The following MTREX variants were observed in gnomAD, a reference collection of about 807,000 sequenced individuals.
MTREX encodes Mtr4 exosome RNA helicase, also known as exosome RNA helicase MTR4.
A neutral mutation model predicts 135.4 loss-of-function variants in MTREX; 76 were observed. That is an observed-to-expected ratio of 0.56 (90% confidence interval 0.47 to 0.68). The LOEUF is 0.68. Ranked by LOEUF, MTREX falls within the 30% of genes least tolerant of loss-of-function variation. The pLI is 0.00. For synonymous variants in MTREX, 404 were observed against 401.6 expected, an observed-to-expected ratio of 1.01 and a Z score of -0.07; for missense variants, 920 against 1,262.1, an observed-to-expected ratio of 0.73 and a Z score of 4.11.
At chr5:55,344,226 A>T (rs1007378603) in intron 8 of MTREX, among the ~76,000 whole-genome samples, 3 of 152,198 alleles carry the variant, frequency 2.0e-5, no homozygotes, top group Admixed American at 2.0e-4. Flanking sequence ...ATAGAAAAAT[A>T]AGCATCTTTC....
intron 15 of MTREX, among the ~76,000 whole-genome samples, 179 bp from the exon 16 acceptor site, chr5:55,366,546 T>C (rs370857717): frequency 1.4e-4 from 22 of 152,182 alleles, no homozygotes; most frequent in Admixed American, 1.4e-3. Context: ...GATTTTTTTT[T>C]CCCTTCACTT....
intron 15 of MTREX, among the ~76,000 whole-genome samples, chr5:55,359,762 G>T (rs373755860): frequency 6.6e-6 from 1 of 152,124 alleles, no homozygotes; most frequent in South Asian, 2.1e-4. Flanking sequence ...TACTGTGTGT[G>T]TGGAAAGAAC....
chr5:55,345,355 A>C (rs76124390), intron 10 of MTREX, among the ~76,000 whole-genome samples, 159 bp downstream of exon 10: 1,637 of 152,282 alleles, frequency 0.011, 27 homozygotes, highest in African/African-American at 0.037. Context: ...TATGACATTA[A>C]GTATAATTTA....
intron 25 of MTREX, among the ~76,000 whole-genome samples, chr5:55,418,727 C>CA (rs1751010363): frequency 6.6e-6 from 1 of 151,922 alleles, no homozygotes; most frequent in African/African-American, 2.4e-5. Flanking sequence ...ATTTAAGTAG[C>CA]AAAAAATGAG....
intron 15 of MTREX, among the ~76,000 whole-genome samples, chr5:55,359,546 TTATA>T (rs35525917): frequency 1.3e-5 from 2 of 151,938 alleles, no homozygotes; most frequent in Admixed American, 1.3e-4. Context: ...GTGTATATCT[TTATA>T]TGTCTTTACA....
chr5:55,364,316 T>G (rs1216105159), intron 15 of MTREX, among the ~76,000 whole-genome samples: 2 of 152,212 alleles, frequency 1.3e-5, no homozygotes, highest in Non-Finnish European at 2.9e-5. Flanking sequence ...TTTCCCATTT[T>G]TACCCTTTTC....
At chr5:55,418,123 A>C (rs926097992) in intron 25 of MTREX, among the ~76,000 whole-genome samples, 1 of 150,850 alleles carries the variant, frequency 6.6e-6, no homozygotes, top group African/African-American at 2.4e-5. Context: ...AGTCCCAGCT[A>C]CTCGGGAGGC....
chr5:55,311,084 T>C (rs1048304129), intron 1 of MTREX, among the ~76,000 whole-genome samples: 6 of 152,202 alleles, frequency 3.9e-5, no homozygotes, highest in Non-Finnish European at 4.4e-5. Flanking sequence ...GCACAGCCAG[T>C]GAGTACTTTT....
In MTREX at chr5:55,414,235, G is replaced by A. The variant is rs1217741821; in HGVS notation, c.2805G>A (p.Met935Ile). The A allele has an allele frequency of 6.4e-7, 1 of 1,550,990 alleles. No homozygotes were observed. The highest frequency in any genetic ancestry group is 8.7e-7 in the Non-Finnish European group (1 of 1,155,726). Residue 935 changes from methionine (M) to isoleucine (I), a missense_variant, in exon 24 of 27, where the codon ATG (methionine) becomes ATA (isoleucine). Coordinates refer to ENST00000230640, the MANE Select transcript of MTREX (RefSeq NM_015360.5). The part of the protein sequence containing the change: ...TEQLAGPLRQ[M>I]QECAKRIAKV... The stretch of plus-strand genomic sequence containing the variant: ...AATTAGCAGGACCACTTCGTCAAAT[G>A]CAGGTAAGGTTTTTTTTTTTTTTTT...
At chr5:55,397,887 A>G (rs1337953541) in intron 20 of MTREX, among the ~76,000 whole-genome samples, 1 of 152,184 alleles carries the variant, frequency 6.6e-6, no homozygotes, top group East Asian at 1.9e-4. Context: ...AAATTGTTTT[A>G]TTTTCAATAG....
At chr5:55,326,713 T>C (rs1279298496) in intron 3 of MTREX, among the ~76,000 whole-genome samples, 1 of 152,234 alleles carries the variant, frequency 6.6e-6, no homozygotes, top group African/African-American at 2.4e-5. Flanking sequence ...TTTTAATTAT[T>C]ATACTTTAAG....
Position 55,388,018 on chromosome 5 carries a change from T to C in MTREX, c.2097T>C (p.Leu699=). The C allele has an allele frequency of 6.2e-7, 1 of 1,608,176 alleles. No homozygotes were observed. ...ATCCTTTGTATGTAGTAGAAGTACT[T>C]CTGCGCTGTAGCAAAGAGAGCTTGA... ...ELDPLYVVEV[L]LRCSKESLKN... The change falls in exon 19 of 27, where the codon CTT becomes CTC. Residue 699 remains leucine, a synonymous_variant. Transcript: ENST00000230640.
intron 1 of MTREX, among the ~76,000 whole-genome samples, chr5:55,310,145 TG>T (rs1389590141): frequency 6.6e-6 from 1 of 152,222 alleles, no homozygotes; most frequent in Non-Finnish European, 1.5e-5. Flanking sequence ...TGGGGTAAGC[TG>T]TTTGACAGCC....
chr5:55,366,603 G>A, intron 15 of MTREX, 122 bp from the exon 16 acceptor site: 1 of 669,018 alleles, frequency 1.5e-6, no homozygotes, highest in South Asian at 4.2e-5. Flanking sequence ...CTAAAGGGTA[G>A]AACTAATACA....
intron 1 of MTREX, among the ~76,000 whole-genome samples, chr5:55,308,580 T>C (rs1290164324): frequency 6.6e-6 from 1 of 152,192 alleles, no homozygotes; most frequent in East Asian, 1.9e-4. Context: ...CTCCAAGATG[T>C]AGTAGTTTTC....
chr5:55,344,342 C>T (rs1395138740), intron 8 of MTREX, among the ~76,000 whole-genome samples, 180 bp from the exon 9 acceptor site: 1 of 152,148 alleles, frequency 6.6e-6, no homozygotes, highest in Non-Finnish European at 1.5e-5. Flanking sequence ...AGTATAATTT[C>T]ATAGACCTAA....
At chr5:55,330,291 G>C (rs1579852496) in intron 5 of MTREX, among the ~76,000 whole-genome samples, 1 of 152,044 alleles carries the variant, frequency 6.6e-6, no homozygotes, top group Middle Eastern at 3.4e-3. Flanking sequence ...GCCTACACTG[G>C]TCTCAAACTC....
chr5:55,368,221 G>A (rs1028731365), intron 16 of MTREX, among the ~76,000 whole-genome samples: 1 of 152,138 alleles, frequency 6.6e-6, no homozygotes, highest in Non-Finnish European at 1.5e-5. Flanking sequence ...AGGCCCAGGG[G>A]GGCAGATACT....
At chr5:55,370,916 A>G (rs939671252) in intron 16 of MTREX, among the ~76,000 whole-genome samples, 1 of 152,144 alleles carries the variant, frequency 6.6e-6, no homozygotes, top group Non-Finnish European at 1.5e-5. Flanking sequence ...AATTGGTAGA[A>G]TGTTTTATTC....
Sources: allele counts gnomAD v4.1 joint callset (sites outside exome capture counted in the v4.1 genomes callset), GRCh38; gene constraint gnomAD v4.1.1; transcripts MANE v1.5; gene names NCBI Gene and HGNC (gene_info 2026-07-23, HGNC 2026-07-21).